Variants in ANO3 observed in about 807,000 individuals in gnomAD.
ANO3 encodes the protein anoctamin-3.
In ANO3, 99 loss-of-function variants were observed where a neutral mutation model predicts 144.8. The observed-to-expected ratio is 0.68, with a 90% CI of 0.58 to 0.81. The LOEUF is 0.81. ANO3 is among the 30% of genes least tolerant of loss of function. ANO3 has a pLI of 0.00. For missense variants in ANO3, 905 were observed against 1,202.2 expected (o/e 0.75, Z 3.66); for synonymous variants, 414 against 392.6 (o/e 1.05, Z -0.64).
At chr11:26,373,541 G>T (rs185908304) in intron 1 of ANO3, among the ~76,000 whole-genome samples, 131 of 152,224 alleles carry the variant, frequency 8.6e-4, no homozygotes, top group African/African-American at 3.0e-3. Context: ...CTTTATATCA[G>T]TGTGAAAACA....
chr11:26,314,587 C>T (rs542881773), intron 1 of ANO3, among the ~76,000 whole-genome samples: 1 of 152,192 alleles, frequency 6.6e-6, no homozygotes, highest in East Asian at 1.9e-4. Flanking sequence ...CAACCTTCCC[C>T]TCCTTCTTTT....
At chr11:26,558,072 T>C (rs1454592168) in intron 13 of ANO3, among the ~76,000 whole-genome samples, 2 of 152,210 alleles carry the variant, frequency 1.3e-5, no homozygotes, top group Non-Finnish European at 2.9e-5. Flanking sequence ...CTCAGGAAGA[T>C]GTTCCTAAAC....
At chr11:26,248,092 C>T (rs1340291328) in intron 1 of ANO3, among the ~76,000 whole-genome samples, 3 of 152,010 alleles carry the variant, frequency 2.0e-5, no homozygotes, top group Non-Finnish European at 4.4e-5. Context: ...CGTAATTCAG[C>T]ATGTTGGGAG....
chr11:26,333,389 A>G (rs939966941), intron 1 of ANO3, among the ~76,000 whole-genome samples: 1 of 150,244 alleles, frequency 6.7e-6, no homozygotes, highest in Non-Finnish European at 1.5e-5. Context: ...TCATGCCATT[A>G]TCCTGCCTCA....
intron 14 of ANO3, chr11:26,563,364 T>C (rs1231168388): frequency 4.1e-6 from 5 of 1,234,338 alleles, no homozygotes; most frequent in Non-Finnish European, 5.5e-6. Flanking sequence ...TGTTTAACAT[T>C]TTAAAATTAG....
At chr11:26,553,014 T>C (rs1247341155) in intron 12 of ANO3, among the ~76,000 whole-genome samples, 1 of 362 alleles carries the variant, frequency 2.8e-3, no homozygotes, top group African/African-American at 7.7e-3. Flanking sequence ...ACAATTATCT[T>C]GACAGCATTT....
intron 1 of ANO3, among the ~76,000 whole-genome samples, chr11:26,343,127 C>T (rs907401549): frequency 6.6e-6 from 1 of 152,148 alleles, no homozygotes; most frequent in Admixed American, 6.6e-5. Context: ...CCAATAGCTC[C>T]ACATGCCCCC....
At chr11:26,424,744 C>T (rs1045360332) in intron 1 of ANO3, among the ~76,000 whole-genome samples, 2 of 152,046 alleles carry the variant, frequency 1.3e-5, no homozygotes, top group African/African-American at 4.8e-5. Flanking sequence ...TAAAAACTTA[C>T]TAGGAGAGGT....
chr11:26,484,804 AG>A (rs1231661333), intron 4 of ANO3, among the ~76,000 whole-genome samples: 96 of 152,318 alleles, frequency 6.3e-4, no homozygotes, highest in African/African-American at 2.2e-3. Context: ...CATATGCCCA[AG>A]GTCTTGGGAG....
intron 1 of ANO3, among the ~76,000 whole-genome samples, chr11:26,247,934 T>C (rs374142316): frequency 6.7e-6 from 1 of 149,418 alleles, no homozygotes; most frequent in African/African-American, 2.4e-5. Context: ...GGTTTCACCA[T>C]GTTGGACAGG....
At chr11:26,291,087 G>A (rs1853946027) in intron 1 of ANO3, among the ~76,000 whole-genome samples, 2 of 152,168 alleles carry the variant, frequency 1.3e-5, no homozygotes, top group Admixed American at 6.5e-5. Context: ...ATGAATCTGG[G>A]TGCTCCTGTA....
chr11:26,553,153 C>A (rs1369592061), intron 12 of ANO3, 96 bp from the exon 13 acceptor site: 21 of 877,036 alleles, frequency 2.4e-5, no homozygotes, highest in Non-Finnish European at 2.9e-5. Context: ...CTCTGCCTTG[C>A]TGGTTCCAAC....
intron 1 of ANO3, among the ~76,000 whole-genome samples, chr11:26,404,265 C>T (rs1428240756): frequency 2.0e-5 from 3 of 151,780 alleles, no homozygotes; most frequent in African/African-American, 4.8e-5. Context: ...TCATAAAACT[C>T]TATTTAGGTC....
chr11:26,551,642 AC>A (rs1457667339), intron 12 of ANO3, among the ~76,000 whole-genome samples: 2 of 152,018 alleles, frequency 1.3e-5, no homozygotes, highest in Admixed American at 6.6e-5. Flanking sequence ...AAACTTCAAT[AC>A]CTTTTTAGTA....
chr11:26,564,779 A>G (rs563237530), intron 14 of ANO3, among the ~76,000 whole-genome samples: 1 of 102,892 alleles, frequency 9.7e-6, no homozygotes, highest in Non-Finnish European at 2.0e-5. Flanking sequence ...ATATATATAT[A>G]TATATAAGTT....
In ANO3 at chr11:26,265,673, T is replaced by C. The variant is rs1006292844; in HGVS notation, c.155-43972T>C. Among the ~76,000 whole-genome samples the C allele has an allele frequency of 2.6e-5, 4 of 152,202 alleles. No individual in the cohort carries two copies. In the South Asian group the frequency reaches 8.3e-4, roughly 32 times the overall value. On this transcript the variant is annotated intron_variant, in intron 1 of 27. Coordinates refer to the ANO3 transcript ENST00000672621. ...AAGTAGAATTCTACAGTAAGCATTA[T>C]AGCCCTTCGGCAGAGGTTAGTAACC...
chr11:26,392,458 G>T (rs758872244), intron 1 of ANO3, among the ~76,000 whole-genome samples: 9 of 151,922 alleles, frequency 5.9e-5, no homozygotes, highest in Non-Finnish European at 1.3e-4. Context: ...AATATGACCT[G>T]TACCTTTTTT....
At chr11:26,435,385 T>A (rs1438011975) in intron 1 of ANO3, among the ~76,000 whole-genome samples, 1 of 152,178 alleles carries the variant, frequency 6.6e-6, no homozygotes, top group Non-Finnish European at 1.5e-5. Flanking sequence ...ATCTGATGAT[T>A]ATGTTTCTTG....
intron 26 of ANO3, among the ~76,000 whole-genome samples, chr11:26,658,034 A>G (rs925175781): frequency 5.3e-5 from 8 of 152,098 alleles, no homozygotes; most frequent in African/African-American, 1.9e-4. Flanking sequence ...CCCCAAAAAA[A>G]TCTCTGCCCA....
Sources: allele counts gnomAD v4.1 joint callset (sites outside exome capture counted in the v4.1 genomes callset), GRCh38; gene constraint gnomAD v4.1.1; transcripts MANE v1.5; gene names NCBI Gene and HGNC (gene_info 2026-07-23, HGNC 2026-07-21).